RGS17: variants seen among roughly 807,000 people sequenced by gnomAD.
RGS17 encodes the protein regulator of G protein signaling 17, also known as regulator of G-protein signaling 17.
A neutral mutation model predicts 25.5 loss-of-function variants in RGS17; 12 were observed. The ratio of observed to expected loss-of-function variants is 0.47; its 90% CI spans 0.30 to 0.76. RGS17 has a LOEUF of 0.76. Among genes scored for constraint, RGS17 ranks in the 30% least tolerant of loss-of-function variants. RGS17 has a pLI of 0.07. For missense variants in RGS17, 196 were observed against 242.2 expected, an observed-to-expected ratio of 0.81 and a Z score of 1.27; for synonymous variants, 71 against 76.9, an observed-to-expected ratio of 0.92 and a Z score of 0.40.
intron 3 of RGS17, among the ~76,000 whole-genome samples, chr6:153,024,884 A>G (rs1431882745): frequency 6.6e-6 from 1 of 152,190 alleles, no homozygotes; most frequent in Non-Finnish European, 1.5e-5. Flanking sequence ...CTTTGCCTCT[A>G]ATCAGGATTT....
At chr6:153,017,587 T>A (rs1293561433) in intron 4 of RGS17, among the ~76,000 whole-genome samples, 4 of 152,132 alleles carry the variant, frequency 2.6e-5, no homozygotes, top group Admixed American at 2.0e-4. Flanking sequence ...ATTCCAGTCA[T>A]CAAGATGCAA....
chr6:153,085,916 G>A (rs1777047162), intron 1 of RGS17, among the ~76,000 whole-genome samples: 1 of 129,678 alleles, frequency 7.7e-6, no homozygotes, highest in Admixed American at 8.6e-5. Flanking sequence ...AACTGTAGAG[G>A]GGGCAGGCTG....
intron 2 of RGS17, among the ~76,000 whole-genome samples, chr6:153,037,475 G>A (rs901484718): frequency 4.0e-5 from 6 of 151,124 alleles, no homozygotes; most frequent in African/African-American, 1.5e-4. Flanking sequence ...GCCCAGGCTG[G>A]AGTGCAGTGG....
At chr6:153,038,446 C>T (rs1776279528) in intron 2 of RGS17, among the ~76,000 whole-genome samples, 1 of 152,196 alleles carries the variant, frequency 6.6e-6, no homozygotes. Context: ...TGGAGTTTCC[C>T]AACTGGAGAC....
At chr6:153,096,924 C>A (rs1777221834) in intron 1 of RGS17, among the ~76,000 whole-genome samples, 1 of 152,160 alleles carries the variant, frequency 6.6e-6, no homozygotes, top group Non-Finnish European at 1.5e-5. Flanking sequence ...ACCAGGGCCT[C>A]TTCCTCTAAA....
At chr6:153,015,581 C>A (rs1779173579) in intron 4 of RGS17, among the ~76,000 whole-genome samples, 2 of 152,182 alleles carry the variant, frequency 1.3e-5, no homozygotes, top group South Asian at 4.2e-4. Context: ...ATTAAGGTAT[C>A]CACATTTTTA....
chr6:153,090,845 A>C (rs1215591469), intron 1 of RGS17, among the ~76,000 whole-genome samples: 1 of 126,398 alleles, frequency 7.9e-6, no homozygotes, highest in Non-Finnish European at 1.6e-5. Flanking sequence ...TCAGTAAAAA[A>C]ACATAGTATA....
At chr6:153,118,239 T>C (rs1777570987) in intron 1 of RGS17, among the ~76,000 whole-genome samples, 1 of 152,210 alleles carries the variant, frequency 6.6e-6, no homozygotes, top group Non-Finnish European at 1.5e-5. Context: ...GCCCATCTGG[T>C]CTATGCCCAC....
At chr6:153,063,061 C>A (rs1933262) in intron 1 of RGS17, among the ~76,000 whole-genome samples, 36,740 of 152,068 alleles carry the variant, frequency 0.24, 4,723 homozygotes, top group African/African-American at 0.31. Flanking sequence ...CATCACAACA[C>A]CCAAGTCCTA....
intron 4 of RGS17, among the ~76,000 whole-genome samples, chr6:153,021,024 A>G (rs1485308335): frequency 6.6e-6 from 1 of 152,238 alleles, no homozygotes; most frequent in East Asian, 1.9e-4. Context: ...TCAGAGATAG[A>G]AAGCCCAGAA....
intron 1 of RGS17, among the ~76,000 whole-genome samples, chr6:153,067,873 A>C (rs1346924359): frequency 6.6e-6 from 1 of 152,198 alleles, no homozygotes; most frequent in Non-Finnish European, 1.5e-5. Flanking sequence ...GCAAAAAGAA[A>C]AACTGGAGGA....
intron 2 of RGS17, among the ~76,000 whole-genome samples, chr6:153,028,489 CTA>C (rs958041802): frequency 2.0e-5 from 3 of 152,102 alleles, no homozygotes; most frequent in African/African-American, 7.2e-5. Context: ...CCTCAGTCCT[CTA>C]TGTCACTATA....
intron 1 of RGS17, among the ~76,000 whole-genome samples, chr6:153,063,408 A>T (rs2129115437): frequency 6.6e-6 from 1 of 152,314 alleles, no homozygotes; most frequent in East Asian, 1.9e-4. Flanking sequence ...AGAATCAAGC[A>T]GACATTCTGG....
chr6:153,050,196 A>G (rs1347771052), intron 1 of RGS17, among the ~76,000 whole-genome samples: 1 of 152,316 alleles, frequency 6.6e-6, no homozygotes, highest in East Asian at 1.9e-4. Context: ...ATAAAAACGT[A>G]GACTATAGCT....
chr6:153,105,625 A>G (rs926690950), intron 1 of RGS17, among the ~76,000 whole-genome samples: 17 of 151,678 alleles, frequency 1.1e-4, no homozygotes, highest in Non-Finnish European at 1.9e-4. Flanking sequence ...GAGGTCTGGC[A>G]GCAGTATGTA....
chr6:153,107,730 G>A (rs1777406097), intron 1 of RGS17, among the ~76,000 whole-genome samples: 2 of 152,158 alleles, frequency 1.3e-5, no homozygotes. Context: ...AGTGTTGGTT[G>A]GGTACCTGCT....
chr6:153,011,455 T>C lies in RGS17; in HGVS notation c.*119A>G. The C allele has an allele frequency of 2.9e-6, 2 of 684,194 alleles. No individual in the cohort carries two copies. The highest frequency in any genetic ancestry group is 5.5e-5 in the East Asian group (2 of 36,308). 42.4% of individuals were successfully genotyped at this position (684,194 alleles called of 1,614,324 possible). A position where few individuals can be genotyped will look rare whatever the true frequency, so the allele number is the denominator to read the frequency against. ...GGAGACAAAGACCATAACGGTTGTG[T>C]TTTCACAGTAGCCTGAGGAATGCTA... On this transcript the variant is annotated 3_prime_UTR_variant, in exon 5 of 5. Coordinates refer to ENST00000206262, the MANE Select transcript of RGS17 (RefSeq NM_012419.5).
At chr6:153,102,515 C>T (rs1188060579) in intron 1 of RGS17, among the ~76,000 whole-genome samples, 2 of 152,060 alleles carry the variant, frequency 1.3e-5, no homozygotes, top group Non-Finnish European at 2.9e-5. Flanking sequence ...AATCTCATCT[C>T]GTGTTGAGGG....
chr6:153,107,990 C>A (rs1777409779), intron 1 of RGS17, among the ~76,000 whole-genome samples: 2 of 152,192 alleles, frequency 1.3e-5, no homozygotes, highest in Admixed American at 1.3e-4. Context: ...CAGATTGCTC[C>A]AAATGAGTGC....
Sources: gnomAD v4.1 joint callset for allele counts (sites outside exome capture counted in the v4.1 genomes callset) on GRCh38, gnomAD v4.1.1 for gene constraint, MANE v1.5 for transcripts, NCBI Gene and HGNC (gene_info 2026-07-23, HGNC 2026-07-21) for gene names.